WASF2: variants seen among roughly 807,000 people sequenced by gnomAD.
WASF2 encodes actin-binding protein WASF2.
Under a neutral mutation model 45.0 loss-of-function variants are expected in WASF2, and 14 were observed. The ratio of observed to expected loss-of-function variants is 0.31; its 90% confidence interval spans 0.21 to 0.49. The LOEUF is 0.49. Among genes scored for constraint, WASF2 ranks in the 20% least tolerant of loss-of-function variants. The pLI is 0.99. For synonymous variants in WASF2, 200 were observed against 236.3 expected, an observed-to-expected ratio of 0.85 and a Z score of 1.41; for missense variants, 439 against 636.1, an observed-to-expected ratio of 0.69 and a Z score of 3.33.
intron 1 of WASF2, among the ~76,000 whole-genome samples, chr1:27,487,644 TTATATATTATATAA>T (rs1373183232): frequency 1.3e-5 from 1 of 79,774 alleles, no homozygotes; most frequent in Non-Finnish European, 2.2e-5. Flanking sequence ...ATAATATATA[TTATATATTATATAA>T]TATATATTAT....
intron 1 of WASF2, among the ~76,000 whole-genome samples, chr1:27,448,294 T>G (rs370332545): frequency 1.1e-3 from 160 of 152,328 alleles, no homozygotes; most frequent in African/African-American, 3.6e-3. Context: ...ATTTAAATCA[T>G]CCTCCTTCCA....
chr1:27,417,290 A>G (rs2016840213), intron 4 of WASF2, among the ~76,000 whole-genome samples: 2 of 152,298 alleles, frequency 1.3e-5, no homozygotes, highest in South Asian at 4.1e-4. Flanking sequence ...ACTAGACTCA[A>G]TAACGGAGGC....
chr1:27,410,833 G>C lies in WASF2; in HGVS notation c.825-627C>G, dbSNP rs908602698. Among the ~76,000 whole-genome samples, 2 of 152,192 alleles carry C rather than the reference G, an allele frequency of 1.3e-5. No homozygotes were observed. Among genetic ancestry groups the C allele is most frequent in the African/African-American group, 2.4e-5 (1 of 41,442 alleles). ...CCGAGAATCTGCAGAGATGGGAAAT[G>C]AATGTGCCACCAGACTCCTGACCCA... On this transcript the variant is annotated intron_variant, in intron 7 of 8. Coordinates refer to ENST00000618852, the MANE Select transcript of WASF2 (RefSeq NM_006990.5). The surrounding 1 kb of genome is among the most constrained non-coding windows in gnomAD (Gnocchi z 4.2).
At chr1:27,446,781 CAAAAAA>C (rs397938564) in intron 1 of WASF2, among the ~76,000 whole-genome samples, 1 of 121,498 alleles carries the variant, frequency 8.2e-6, no homozygotes, top group Non-Finnish European at 1.8e-5. Context: ...AGCCTGTCTC[CAAAAAA>C]AAAAAAAAAA....
At chr1:27,454,121 G>A (rs1425342619) in intron 1 of WASF2, among the ~76,000 whole-genome samples, 1 of 106,584 alleles carries the variant, frequency 9.4e-6, no homozygotes, top group Non-Finnish European at 1.7e-5. Flanking sequence ...GTATATATAT[G>A]TGTGTATATA....
At chr1:27,432,229 G>A (rs1380178288) in intron 1 of WASF2, among the ~76,000 whole-genome samples, 3 of 152,198 alleles carry the variant, frequency 2.0e-5, no homozygotes, top group East Asian at 1.9e-4. Flanking sequence ...CGGCTTTATG[G>A]AGTCGACACA....
chr1:27,432,054 C>T (rs1191986159), intron 1 of WASF2, among the ~76,000 whole-genome samples: 1 of 152,086 alleles, frequency 6.6e-6, no homozygotes, highest in East Asian at 1.9e-4. Flanking sequence ...TTTGGATAAT[C>T]AAGGATTGGT....
chr1:27,460,143 T>C (rs1309784559), intron 1 of WASF2, among the ~76,000 whole-genome samples: 1 of 152,214 alleles, frequency 6.6e-6, no homozygotes, highest in Non-Finnish European at 1.5e-5. Flanking sequence ...AGTCCAGTAA[T>C]GCAGATGCAT....
intron 1 of WASF2, among the ~76,000 whole-genome samples, chr1:27,469,880 G>A (rs1390480774): frequency 6.6e-6 from 1 of 152,056 alleles, no homozygotes; most frequent in Non-Finnish European, 1.5e-5. Flanking sequence ...AGGCAGAAAG[G>A]TTGCAGTGAG....
intron 1 of WASF2, among the ~76,000 whole-genome samples, chr1:27,451,092 T>C (rs556347122): frequency 2.8e-4 from 43 of 152,186 alleles, no homozygotes; most frequent in South Asian, 1.2e-3. Context: ...TTGTATAAAG[T>C]AATATACAAT....
Position 27,416,101 on chromosome 1 carries a change from C to T in WASF2, c.421G>A (p.Asp141Asn). ...AATTTGAGTGCCTCTTTTCCATCGT[C>T]CCTGGGATAGAAATGAAGACAAGTA... ...PPLNNLTPYR[D>N]DGKEALKFYT... The change falls in exon 5 of 9, where the codon GAC (aspartate) becomes AAC (asparagine). Residue 141 changes from aspartate (D) to asparagine (N), a missense_variant and splice_region_variant. Physicochemically the swap from Asp to Asn is conservative, Grantham distance 23. This residue lies in a region of WASF2 where 98 missense variants were observed against 120.7 expected (regional missense o/e 0.81). Transcript: ENST00000618852. The T allele has an allele frequency of 6.2e-7, 1 of 1,613,286 alleles. No homozygotes were observed. The highest frequency in any genetic ancestry group is 8.5e-7 in the Non-Finnish European group (1 of 1,179,298).
At chr1:27,470,268 T>C (rs1213642810) in intron 1 of WASF2, among the ~76,000 whole-genome samples, 2 of 152,228 alleles carry the variant, frequency 1.3e-5, no homozygotes, top group Non-Finnish European at 2.9e-5. Context: ...CAATAAGCAT[T>C]GGGAGTCACA....
chr1:27,482,206 A>G (rs2017861014), intron 1 of WASF2, among the ~76,000 whole-genome samples: 1 of 152,228 alleles, frequency 6.6e-6, no homozygotes, highest in African/African-American at 2.4e-5. Context: ...TATATTGTAC[A>G]GAGTTGGCCA....
At chr1:27,446,721 C>T (rs759988614) in intron 1 of WASF2, among the ~76,000 whole-genome samples, 1 of 149,852 alleles carries the variant, frequency 6.7e-6, no homozygotes, top group Admixed American at 6.7e-5. Flanking sequence ...GTGGAGATTG[C>T]AGTGCGCCAA....
intron 2 of WASF2, among the ~76,000 whole-genome samples, chr1:27,422,930 G>A (rs760447868): frequency 1.3e-5 from 2 of 152,098 alleles, no homozygotes; most frequent in Non-Finnish European, 2.9e-5. Context: ...CTGAAGACCA[G>A]GAGTTTGAGA....
Position 27,480,742 on chromosome 1 carries a change from C to T in WASF2, c.-44+9244G>A, listed in dbSNP as rs149281004. ...AAGAATGCATGTGTTGGGCCAGGTG[C>T]GGTGGCTCACGCCTGTAATCCCAGC... On this transcript the variant is annotated intron_variant, in intron 1 of 8. Transcript: ENST00000618852. 7.6e-3 allele frequency among the ~76,000 whole-genome samples: 1,152 copies of T among 151,838 alleles called. 16 individuals are homozygous for T. Among genetic ancestry groups the T allele is most frequent in the African/African-American group, 0.026 (1,075 of 41,410 alleles).
In WASF2 at chr1:27,407,647, T is replaced by A. The variant is rs2016697218; in HGVS notation, c.*542A>T. ...GGGCATCCCAGGCATAGAGATCGCTTAGCAAAAGGCAGGCCCACCCTGCTG... is the reference window on the plus strand; with the variant it reads ...GGGCATCCCAGGCATAGAGATCGCTAAGCAAAAGGCAGGCCCACCCTGCTG... On this transcript the variant is annotated 3_prime_UTR_variant, in exon 9 of 9. Coordinates refer to ENST00000618852, the MANE Select transcript of WASF2 (RefSeq NM_006990.5). 1 of 152,360 alleles carries A rather than the reference T, an allele frequency of 6.6e-6. No homozygotes were observed. The highest frequency in any genetic ancestry group is 2.4e-5 in the African/African-American group (1 of 41,456). The allele number at this position is 152,360 out of a possible 1,614,324, so 9.4% of individuals were successfully genotyped here.
chr1:27,432,362 T>C lies in WASF2; in HGVS notation c.-43-3429A>G, dbSNP rs952063539. On this transcript the variant is annotated intron_variant, in intron 1 of 8. Coordinates refer to ENST00000618852, the MANE Select transcript of WASF2 (RefSeq NM_006990.5). ...CTACAGGGCTTTTAAAAAAAGGCAG[T>C]TATAGGCCGGGCGCGGTGGCTCACG... Among the ~76,000 whole-genome samples, 9 of 152,024 alleles carry C rather than the reference T, an allele frequency of 5.9e-5. No individual in the cohort carries two copies. The South Asian group carries it at 1.9e-3, about 32-fold the overall frequency.
chr1:27,412,868 G>A, intron 6 of WASF2, 141 bp from the exon 7 acceptor site: 1 of 914,264 alleles, frequency 1.1e-6, no homozygotes, highest in Non-Finnish European at 1.7e-6. Context: ...CATATTTTCT[G>A]TTACACTGAA....
Sources: allele counts gnomAD v4.1 joint callset (sites outside exome capture counted in the v4.1 genomes callset), GRCh38; gene constraint gnomAD v4.1.1; regional missense constraint gnomAD v4.1.1; non-coding constraint Gnocchi (gnomAD v3.1); transcripts MANE v1.5; gene names NCBI Gene and HGNC (gene_info 2026-07-23, HGNC 2026-07-21).